The following NTM variants were observed in gnomAD, a reference collection of about 807,000 sequenced individuals.
NTM encodes IgLON family member 2.
NTM carries 13 observed loss-of-function variants against 42.1 expected under a neutral mutation model. The observed-to-expected ratio is 0.31, with a 90% CI of 0.20 to 0.49. NTM has a LOEUF of 0.49. Ranked by LOEUF, NTM falls within the 20% of genes least tolerant of loss-of-function variation. The pLI is 0.99. For synonymous variants in NTM, 187 were observed against 179.2 expected, an observed-to-expected ratio of 1.04 and a Z score of -0.35; for missense variants, 373 against 452.8, an observed-to-expected ratio of 0.82 and a Z score of 1.60.
intron 4 of NTM, among the ~76,000 whole-genome samples, chr11:132,286,517 C>T (rs921407422): frequency 1.4e-5 from 2 of 147,294 alleles, no homozygotes; most frequent in Non-Finnish European, 3.0e-5. Context: ...TGCCTGTCCG[C>T]CCCCCCCACC....
At chr11:132,084,062 G>A (rs529620183) in intron 2 of NTM, among the ~76,000 whole-genome samples, 14 of 151,884 alleles carry the variant, frequency 9.2e-5, no homozygotes, top group East Asian at 7.8e-4. Flanking sequence ...CTTGATATTC[G>A]TGAAATTTTC....
intron 1 of NTM, among the ~76,000 whole-genome samples, chr11:131,756,749 A>G (rs1330058496): frequency 6.6e-6 from 1 of 152,200 alleles, no homozygotes; most frequent in East Asian, 1.9e-4. Context: ...AGAGGAAATT[A>G]TGTTCAAGAT....
intron 1 of NTM, among the ~76,000 whole-genome samples, chr11:131,615,776 T>C (rs1448585382): frequency 2.0e-5 from 3 of 152,176 alleles, no homozygotes; most frequent in Non-Finnish European, 1.5e-5. Context: ...TGTACCATGA[T>C]TATTTTGTGA....
At chr11:132,287,219 C>T (rs182908120) in intron 4 of NTM, among the ~76,000 whole-genome samples, 68 of 152,298 alleles carry the variant, frequency 4.5e-4, no homozygotes, top group African/African-American at 1.5e-3. Context: ...GTAATTTTCT[C>T]AGGCACACAT....
At chr11:132,197,448 C>G (rs1021400498) in intron 3 of NTM, among the ~76,000 whole-genome samples, 1 of 151,826 alleles carries the variant, frequency 6.6e-6, no homozygotes, top group Admixed American at 6.6e-5. Flanking sequence ...TTGTCATAAC[C>G]ACCCTATTAG....
chr11:131,427,388 C>T (rs1221767456), intron 1 of NTM, among the ~76,000 whole-genome samples: 1 of 152,146 alleles, frequency 6.6e-6, no homozygotes, highest in Non-Finnish European at 1.5e-5. Flanking sequence ...AGTATAGCTT[C>T]TCAGTTTACC....
At chr11:131,865,268 G>A (rs1210290410) in intron 1 of NTM, among the ~76,000 whole-genome samples, 1 of 152,190 alleles carries the variant, frequency 6.6e-6, no homozygotes, top group African/African-American at 2.4e-5. Flanking sequence ...GGATCCCAAA[G>A]CCTGTTTTAC....
chr11:131,970,535 G>T (rs1432230305), intron 2 of NTM, among the ~76,000 whole-genome samples: 2 of 152,240 alleles, frequency 1.3e-5, no homozygotes, highest in African/African-American at 4.8e-5. Flanking sequence ...AGGACCTGCA[G>T]ACAGAGGCAG....
chr11:132,105,511 G>A (rs1023659601), intron 2 of NTM, among the ~76,000 whole-genome samples: 1 of 152,026 alleles, frequency 6.6e-6, no homozygotes, highest in African/African-American at 2.4e-5. Flanking sequence ...AGAAGAGGTG[G>A]GAGAAAGGAA....
chr11:131,716,628 T>A (rs953535630), intron 1 of NTM, among the ~76,000 whole-genome samples: 10 of 152,230 alleles, frequency 6.6e-5, no homozygotes, highest in Admixed American at 6.5e-4. Flanking sequence ...CACCTCTTTG[T>A]CTGCTTACTT....
intron 2 of NTM, among the ~76,000 whole-genome samples, chr11:132,086,323 C>CGAA (rs2059703511): frequency 1.0e-5 from 1 of 98,982 alleles, no homozygotes; most frequent in Admixed American, 1.2e-4. Flanking sequence ...GACTCCATGT[C>CGAA]AAAAAAAAAA....
At chr11:132,225,491 A>T (rs567035633) in intron 4 of NTM, among the ~76,000 whole-genome samples, 47 of 152,142 alleles carry the variant, frequency 3.1e-4, no homozygotes, top group African/African-American at 1.0e-3. Flanking sequence ...CAAGGCCATG[A>T]GTGGGGAATG....
At chr11:131,497,297 T>A (rs318972) in intron 1 of NTM, among the ~76,000 whole-genome samples, 103,739 of 151,654 alleles carry the variant, frequency 0.68, 35,819 homozygotes, top group East Asian at 0.81. Context: ...CAAGCAATTC[T>A]CCTGCCTCAG....
chr11:132,321,109 A>T (rs1033888785), intron 7 of NTM, among the ~76,000 whole-genome samples: 7 of 152,172 alleles, frequency 4.6e-5, no homozygotes, highest in African/African-American at 7.2e-5. Flanking sequence ...AACTCTAAAA[A>T]GCTGAGCGCC....
intron 1 of NTM, among the ~76,000 whole-genome samples, chr11:131,596,498 CT>C (rs1276351422): frequency 1.3e-5 from 2 of 152,228 alleles, no homozygotes; most frequent in African/African-American, 4.8e-5. Flanking sequence ...CTGCAGACCC[CT>C]GACATACTCC....
At chr11:131,961,693 G>A (rs1442615001) in intron 2 of NTM, among the ~76,000 whole-genome samples, 1 of 152,162 alleles carries the variant, frequency 6.6e-6, no homozygotes, top group Non-Finnish European at 1.5e-5. Flanking sequence ...CTGCAAGAGT[G>A]GCCGGCAGTG....
chr11:131,947,778 G>A (rs1183848927), intron 2 of NTM, among the ~76,000 whole-genome samples: 4 of 152,152 alleles, frequency 2.6e-5, no homozygotes, highest in African/African-American at 9.7e-5. Flanking sequence ...ATCTGAATGT[G>A]AGTGATGGTG....
intron 4 of NTM, among the ~76,000 whole-genome samples, chr11:132,265,097 G>A (rs2093102158): frequency 6.6e-6 from 1 of 152,176 alleles, no homozygotes; most frequent in South Asian, 2.1e-4. Context: ...ATGTGTACCA[G>A]CTATGGAGAC....
chr11:132,323,596 T>A (rs1372476516), intron 7 of NTM, among the ~76,000 whole-genome samples: 25 of 152,060 alleles, frequency 1.6e-4, no homozygotes, highest in African/African-American at 5.8e-4. Flanking sequence ...CTACCAGAGG[T>A]ACAAGGAGGA....
Sources: allele counts gnomAD v4.1 joint callset (sites outside exome capture counted in the v4.1 genomes callset), GRCh38; gene constraint gnomAD v4.1.1; transcripts MANE v1.5; gene names NCBI Gene and HGNC (gene_info 2026-07-23, HGNC 2026-07-21).